GABRA2: variants seen among roughly 807,000 people sequenced by gnomAD.
GABRA2 encodes the protein gamma-aminobutyric acid type A receptor subunit alpha2, also known as gamma-aminobutyric acid receptor subunit alpha-2.
A neutral mutation model predicts 48.7 loss-of-function variants in GABRA2; 16 were observed. That is an observed-to-expected ratio of 0.33 (90% CI 0.22 to 0.50). GABRA2 has a LOEUF of 0.50. Among genes scored for constraint, GABRA2 ranks in the 20% least tolerant of loss-of-function variants. GABRA2 has a pLI of 0.98. For synonymous variants in GABRA2, 185 were observed against 184.5 expected (o/e 1.00, Z -0.02); for missense variants, 275 against 535.6 (o/e 0.51, Z 4.80).
intron 3 of GABRA2, among the ~76,000 whole-genome samples, chr4:46,382,465 G>A (rs1716888922): frequency 6.6e-6 from 1 of 152,030 alleles, no homozygotes; most frequent in African/African-American, 2.4e-5. Flanking sequence ...GTGAGGTGAG[G>A]TTAAAGAAAG....
intron 8 of GABRA2, among the ~76,000 whole-genome samples, chr4:46,301,727 C>T (rs561412864): frequency 1.8e-4 from 28 of 152,310 alleles, no homozygotes; most frequent in East Asian, 1.7e-3. Context: ...AACTTGTCTA[C>T]GCCTCTTTTA....
intron 8 of GABRA2, among the ~76,000 whole-genome samples, chr4:46,267,978 A>T (rs1338631278): frequency 6.6e-6 from 1 of 152,036 alleles, no homozygotes; most frequent in Non-Finnish European, 1.5e-5. Context: ...ATCCAAAAAT[A>T]TTCAAAAGAC....
chr4:46,341,827 T>G (rs1733295779), intron 3 of GABRA2, among the ~76,000 whole-genome samples: 1 of 152,040 alleles, frequency 6.6e-6, no homozygotes, highest in Non-Finnish European at 1.5e-5. Context: ...GTTTTTTTCT[T>G]TAGATTTTGC....
intron 3 of GABRA2, among the ~76,000 whole-genome samples, chr4:46,348,158 A>C (rs1206480897): frequency 1.3e-5 from 2 of 152,196 alleles, no homozygotes; most frequent in Non-Finnish European, 2.9e-5. Flanking sequence ...TATGCAGCCA[A>C]AAGTCACATG....
intron 4 of GABRA2, among the ~76,000 whole-genome samples, chr4:46,327,546 A>G (rs986485268): frequency 7.9e-5 from 12 of 152,130 alleles, no homozygotes; most frequent in Non-Finnish European, 1.8e-4. Context: ...CATGTTTGTC[A>G]CAGGTTTTCT....
chr4:46,276,867 G>A (rs574667071), intron 8 of GABRA2, among the ~76,000 whole-genome samples: 11 of 151,840 alleles, frequency 7.2e-5, no homozygotes, highest in Admixed American at 2.0e-4. Flanking sequence ...GAATATAAAG[G>A]GTATTAAATA....
At chr4:46,296,190 G>A (rs569298429) in intron 8 of GABRA2, among the ~76,000 whole-genome samples, 61 of 152,182 alleles carry the variant, frequency 4.0e-4, no homozygotes, top group Middle Eastern at 3.4e-3. Flanking sequence ...GCCAGGATTC[G>A]TAGGTCCAGG....
At chr4:46,290,147 GC>G (rs1361448340) in intron 8 of GABRA2, among the ~76,000 whole-genome samples, 1 of 149,242 alleles carries the variant, frequency 6.7e-6, no homozygotes, top group African/African-American at 2.5e-5. Context: ...CTCGTGATCC[GC>G]CCGCCTCAGC....
At chr4:46,319,327 C>G (rs1055912857) in intron 4 of GABRA2, among the ~76,000 whole-genome samples, 1 of 151,688 alleles carries the variant, frequency 6.6e-6, no homozygotes, top group African/African-American at 2.4e-5. Context: ...CTTTGATTTT[C>G]TACATTTATT....
At chr4:46,261,681 A>G in intron 9 of GABRA2, 3 of 579,090 alleles carry the variant, frequency 5.2e-6, no homozygotes, top group Admixed American at 5.9e-5. Flanking sequence ...AGCATATGTA[A>G]AACACTTAGC....
chr4:46,374,828 C>T (rs1419917317), intron 3 of GABRA2, among the ~76,000 whole-genome samples: 1 of 141,370 alleles, frequency 7.1e-6, no homozygotes, highest in Non-Finnish European at 1.6e-5. Context: ...TACTGATATG[C>T]TTCTATACAA....
At chr4:46,365,156 A>G (rs1713846368) in intron 3 of GABRA2, 1 of 152,158 alleles carries the variant, frequency 6.6e-6, no homozygotes, top group Non-Finnish European at 1.5e-5. Flanking sequence ...TTAAGCTATC[A>G]TTTATTTGAC....
At chr4:46,311,383 A>G (rs1727616629) in intron 5 of GABRA2, among the ~76,000 whole-genome samples, 1 of 152,204 alleles carries the variant, frequency 6.6e-6, no homozygotes, top group South Asian at 2.1e-4. Flanking sequence ...TGAAATGACA[A>G]TACATCAAAT....
At chr4:46,356,952 A>G (rs1484554839) in intron 3 of GABRA2, among the ~76,000 whole-genome samples, 3 of 151,822 alleles carry the variant, frequency 2.0e-5, no homozygotes, top group Non-Finnish European at 4.4e-5. Context: ...CCCCTTGCCC[A>G]GAAGAGTTGT....
chr4:46,369,288 G>C (rs1430129444), intron 3 of GABRA2, among the ~76,000 whole-genome samples: 1 of 151,958 alleles, frequency 6.6e-6, no homozygotes, highest in East Asian at 1.9e-4. Flanking sequence ...TTCAGCTTGG[G>C]GTCACCAGAT....
rs199645834 is a variant in GABRA2 at position 46,250,485 on chromosome 4, C to T, written c.1179G>A (p.Thr393=). ...TTTCTGGCTTCTTGTTGGGTTCTGG[C>T]GTGGTTGCACTCTTGGAGATGGTGG... ...VLSTISKSAT[T]PEPNKKPENK... Residue 393 remains threonine (T), a synonymous_variant, in exon 10 of 10, where the codon ACG becomes ACA. Transcript: ENST00000381620. 1.1e-5 allele frequency: 18 copies of T among 1,611,864 alleles called. No individual in the cohort carries two copies. Among genetic ancestry groups the T allele is most frequent in the Admixed American group, 5.0e-5 (3 of 59,794 alleles).
In GABRA2 at chr4:46,332,595, C is replaced by A; in HGVS notation, c.255+20G>T. On this transcript the variant is annotated intron_variant, in intron 4 of 9. Coordinates refer to ENST00000381620, the MANE Select transcript of GABRA2 (RefSeq NM_000807.4). Reference sequence around the variant, plus strand: ...CTCCCCATTATGTGAAGTAAAAATACTATTTAATGAAAAACTCACCATATC... The same window carrying A: ...CTCCCCATTATGTGAAGTAAAAATAATATTTAATGAAAAACTCACCATATC... 1 of 1,458,618 alleles carries A rather than the reference C, an allele frequency of 6.9e-7. No individual in the cohort carries two copies. Among genetic ancestry groups the A allele is most frequent in the Admixed American group, 1.7e-5 (1 of 59,028 alleles). 90.4% of individuals were successfully genotyped at this position (1,458,618 alleles called of 1,614,324 possible).
intron 6 of GABRA2, among the ~76,000 whole-genome samples, chr4:46,309,669 G>C (rs1727297858): frequency 6.6e-6 from 1 of 151,904 alleles, no homozygotes; most frequent in African/African-American, 2.4e-5. Context: ...GAAGGTGCCA[G>C]AATGTAGCAA....
At chr4:46,346,169 A>C (rs1384407218) in intron 3 of GABRA2, among the ~76,000 whole-genome samples, 1 of 152,002 alleles carries the variant, frequency 6.6e-6, no homozygotes, top group Non-Finnish European at 1.5e-5. Flanking sequence ...GTCAACAAAT[A>C]CTTAAGTGAC....
Sources: gnomAD v4.1 joint callset for allele counts (sites outside exome capture counted in the v4.1 genomes callset) on GRCh38, gnomAD v4.1.1 for gene constraint, MANE v1.5 for transcripts, NCBI Gene and HGNC (gene_info 2026-07-23, HGNC 2026-07-21) for gene names.